Variants in SLC44A4 observed in about 807,000 individuals in gnomAD.
The protein encoded by SLC44A4 is solute carrier family 44 member 4.
SLC44A4 carries 74 observed loss-of-function variants against 97.0 expected under a neutral mutation model. That is an observed-to-expected ratio of 0.76 (90% CI 0.63 to 0.93). The LOEUF is 0.93. Ranked by LOEUF, SLC44A4 falls within the 40% of genes least tolerant of loss-of-function variation. The probability of loss-of-function intolerance (pLI) is 0.00; values close to 1 mark genes in which losing one functional copy is unlikely to be tolerated. For missense variants in SLC44A4, 799 were observed against 902.9 expected, an observed-to-expected ratio of 0.88 and a Z score of 1.48; for synonymous variants, 325 against 363.8, an observed-to-expected ratio of 0.89 and a Z score of 1.21.
Position 31,874,616 on chromosome 6 carries a change from T to G in SLC44A4, c.469-96A>C. 6.4e-7 allele frequency: 1 copy of G among 1,561,336 alleles called. No individual in the cohort carries two copies. Among genetic ancestry groups the G allele is most frequent in the Non-Finnish European group, 8.7e-7 (1 of 1,153,542 alleles). ...CCATGGGGCTCAGCCTGTCCCACAC[T>G]CCCCAGGAGAGCCAACCTGGTGATG... On this transcript the variant is annotated intron_variant, in intron 6 of 20. Coordinates refer to ENST00000229729, the MANE Select transcript of SLC44A4 (RefSeq NM_025257.3). The surrounding 1 kb of genome is among the most constrained non-coding windows in gnomAD (Gnocchi z 4.8).
At position 31,865,444 on chromosome 6, in the gene SLC44A4, G is replaced by T. The variant is rs17207713; in HGVS notation, c.1686+54C>A. The T allele has an allele frequency of 3.1e-6, 5 of 1,611,662 alleles. No homozygotes were observed. Among genetic ancestry groups the T allele is most frequent in the Non-Finnish European group, 4.2e-6 (5 of 1,177,784 alleles). ...AGGCGAGCTGCCTGGACCAGGATGGGGGTGTCTAGACCAAAGGGCACCAGA... is the reference window on the plus strand; with the variant it reads ...AGGCGAGCTGCCTGGACCAGGATGGTGGTGTCTAGACCAAAGGGCACCAGA... On this transcript the variant is annotated intron_variant, in intron 16 of 20. Coordinates refer to ENST00000229729, the MANE Select transcript of SLC44A4 (RefSeq NM_025257.3). This position sits in a 1 kb window ranked among gnomAD's most constrained non-coding sequence, Gnocchi z 5.2.
intron 12 of SLC44A4, 51 bp from the exon 13 acceptor site, chr6:31,869,308 T>C (rs1342982130): frequency 7.0e-7 from 1 of 1,422,460 alleles, no homozygotes; most frequent in African/African-American, 1.4e-5. Flanking sequence ...CACAGGTCAC[T>C]CGCTCCTTAG....
Position 31,877,655 on chromosome 6 carries a change from T to G in SLC44A4, c.41-573A>C. 2.0e-6 allele frequency: 2 copies of G among 985,822 alleles called. No homozygotes were observed. The highest frequency in any genetic ancestry group is 2.4e-6 in the Non-Finnish European group (2 of 830,180). The allele number at this position is 985,822 out of a possible 1,614,324, so 61.1% of individuals were successfully genotyped here. ...GGGAAGCGGCCCTGTACATCCTCAC[T>G]CTGGTGGGACCTCAGTCCCCTGGCC... On this transcript the variant is annotated intron_variant, in intron 1 of 20. Transcript: ENST00000229729. The surrounding 1 kb of genome is among the most constrained non-coding windows in gnomAD (Gnocchi z 6.5).
At chr6:31,864,540 T>G in intron 20 of SLC44A4, 112 bp downstream of exon 20, 2 of 1,011,918 alleles carry the variant, frequency 2.0e-6, no homozygotes. Context: ...CTGGTTCGTT[T>G]AGCTCACAAA....
chr6:31,868,039 A>G (rs1762955889), intron 13 of SLC44A4, among the ~76,000 whole-genome samples: 1 of 152,086 alleles, frequency 6.6e-6, no homozygotes. Context: ...GCTGGTCTCA[A>G]ACTCCTGACC....
Position 31,865,567 on chromosome 6 carries a change from G to A in SLC44A4, c.1617C>T (p.Cys539=). Residue 539 remains cysteine (C), a synonymous_variant, in exon 16 of 21, where the codon TGC becomes TGT. Coordinates refer to ENST00000229729, the MANE Select transcript of SLC44A4 (RefSeq NM_025257.3). This position sits in a 1 kb window ranked among gnomAD's most constrained non-coding sequence, Gnocchi z 5.2. ...GACACCAGAGGCAGCACTTGAAACA[G>A]CACATGATGCAGCGGGCTACAGGGT... is the stretch of plus-strand genomic sequence containing the variant. ...VQNPVARCIM[C]CFKCCLWCLE... The A allele has an allele frequency of 6.3e-7, 1 of 1,599,226 alleles. No individual in the cohort carries two copies. Among genetic ancestry groups the A allele is most frequent in the Non-Finnish European group, 8.5e-7 (1 of 1,169,900 alleles).
In SLC44A4 at chr6:31,870,998, G is replaced by T. The variant is rs749880296; in HGVS notation, c.751C>A (p.Arg251Ser). The T allele has an allele frequency of 1.2e-6, 2 of 1,612,454 alleles. No homozygotes were observed. Among genetic ancestry groups the T allele is most frequent in the East Asian group, 2.2e-5 (1 of 44,878 alleles). The change falls in exon 10 of 21, where the codon CGC (arginine) becomes AGC (serine). Residue 251 changes from arginine (R) to serine (S), a missense_variant. Coordinates refer to ENST00000229729, the MANE Select transcript of SLC44A4 (RefSeq NM_025257.3). ...AGCACCAGGGGCCCAGCCACCAGGC[G>T]CAGAAGCAAGATAAACAGTAGGCTC... ...VLSLLFILLLRLVAGPLVLVL... is the reference protein window; with the variant it reads ...VLSLLFILLLSLVAGPLVLVL...
At chr6:31,873,996 A>AT (rs1341069583) in intron 7 of SLC44A4, among the ~76,000 whole-genome samples, 2 of 152,152 alleles carry the variant, frequency 1.3e-5, no homozygotes, top group African/African-American at 4.8e-5. Flanking sequence ...ATGTGCTGTA[A>AT]TTCCAGCTAC....
rs1235717395 is a variant in SLC44A4 at position 31,870,915 on chromosome 6, C to A, written c.834G>T (p.Glu278Asp). ...CCTTGTCCCGCAGCACTCGGTACTCCTCCCAGCAGTAGTAGATGCCGTATG... is the reference window on the plus strand; with the variant it reads ...CCTTGTCCCGCAGCACTCGGTACTCATCCCAGCAGTAGTAGATGCCGTATG... ...VLAYGIYYCW[E>D]EYRVLRDKGA... is the part of the protein sequence containing the mutation. The change falls in exon 10 of 21, where the codon GAG becomes GAT. Residue 278 changes from glutamate to aspartate, a missense_variant. By Grantham distance (45) the Glu-to-Asp change is conservative (BLOSUM62 2). Coordinates refer to ENST00000229729, the MANE Select transcript of SLC44A4 (RefSeq NM_025257.3). The A allele has an allele frequency of 6.2e-7, 1 of 1,612,936 alleles. No homozygotes were observed. The highest frequency in any genetic ancestry group is 8.5e-7 in the Non-Finnish European group (1 of 1,180,014).
rs6913689 is a variant in SLC44A4, at chr6:31,870,850, C to G, written c.899G>C (p.Ser300Thr). The G allele has an allele frequency of 1.4e-3, 2,244 of 1,613,048 alleles. 23 individuals carry two copies. In the African/African-American group the frequency reaches 0.023, roughly 17 times the overall value. ...ISQLGFTTNL[S>T]AYQSVQETWL... ...GGTCTCCTGCACGCTCTGGTAGGCA[C>G]TGAGGTTGGTGGTGAAACCCAGCTG... The change falls in exon 10 of 21, where the codon AGT becomes ACT. Residue 300 changes from serine (S) to threonine (T), a missense_variant. By Grantham distance (58) the Ser-to-Thr change is moderately conservative. This residue lies in a region of SLC44A4 where 409 missense variants were observed against 434.1 expected (regional missense o/e 0.94). Coordinates refer to ENST00000229729, the MANE Select transcript of SLC44A4 (RefSeq NM_025257.3).
At position 31,878,960 on chromosome 6, in the gene SLC44A4, G is replaced by C. The variant is rs764533964; in HGVS notation, c.21C>G (p.Asp7Glu). ...TCTCACCGTAGGCCTCGTCATCCTCGTCCCGCTGCTTTCCCCCCATGGCTC... is the reference window on the plus strand; with the variant it reads ...TCTCACCGTAGGCCTCGTCATCCTCCTCCCGCTGCTTTCCCCCCATGGCTC... MGGKQR[D>E]EDDEAYGKPV... Residue 7 changes from aspartate to glutamate, a missense_variant, in exon 1 of 21, where the codon GAC becomes GAG. Around this residue, in one of 3 missense-constraint regions of SLC44A4, gnomAD observed 409 missense variants for 434.1 expected, o/e 0.94. Transcript: ENST00000229729. The surrounding 1 kb of genome is among the most constrained non-coding windows in gnomAD (Gnocchi z 4.0). 2 of 1,613,754 alleles carry C rather than the reference G, an allele frequency of 1.2e-6. No individual in the cohort carries two copies. The highest frequency in any genetic ancestry group is 8.5e-7 in the Non-Finnish European group (1 of 1,179,926).
intron 4 of SLC44A4, 114 bp downstream of exon 4, chr6:31,875,738 C>T: frequency 2.2e-6 from 2 of 928,996 alleles, no homozygotes; most frequent in Non-Finnish European, 3.3e-6. Context: ...GTGGGGACAG[C>T]AGGGAAAGGC....
rs550919132 is a variant in SLC44A4 at position 31,863,531 on chromosome 6, C to CTT, written c.*94_*95dup. 6.7e-7 allele frequency: 1 copy of CTT among 1,494,500 alleles called. No individual in the cohort carries two copies. The highest frequency in any genetic ancestry group is 1.4e-5 in the African/African-American group (1 of 69,788). The allele number at this position is 1,494,500 out of a possible 1,614,324, so 92.6% of individuals were successfully genotyped here. On this transcript the variant is annotated 3_prime_UTR_variant, in exon 21 of 21. Coordinates refer to ENST00000229729, the MANE Select transcript of SLC44A4 (RefSeq NM_025257.3). The stretch of plus-strand genomic sequence containing the variant: ...TGAGCCACGGCGCCTGGCCTAAAAC[C>CTT]TTTTTTTACCACAAAATGGAGACCT...
intron 13 of SLC44A4, among the ~76,000 whole-genome samples, chr6:31,868,175 C>T (rs758724496): frequency 1.3e-5 from 2 of 152,198 alleles, no homozygotes; most frequent in Non-Finnish European, 2.9e-5. Flanking sequence ...ATGTTCCCAG[C>T]TCAGACGAGG....
chr6:31,875,053 C>T, intron 4 of SLC44A4, 25 bp from the exon 5 acceptor site: 1 of 1,574,474 alleles, frequency 6.4e-7, no homozygotes, highest in Non-Finnish European at 8.7e-7. Flanking sequence ...GGACCATGTG[C>T]ATCAGGGCCT....
chr6:31,869,220 A>G lies in SLC44A4; in HGVS notation c.1168T>C (p.Trp390Arg). ...ATSGQPQYVL[W>R]ASNISSPGCE... is the part of the protein sequence containing the mutation. ...CCGGGGGAGCTGATGTTGGATGCCC[A>G]GAGCACATACTGGGGTTGCCCCGAT... is the stretch of plus-strand genomic sequence containing the variant. Residue 390 changes from tryptophan to arginine, a missense_variant, in exon 13 of 21, where the codon TGG becomes CGG. Coordinates refer to ENST00000229729, the MANE Select transcript of SLC44A4 (RefSeq NM_025257.3). 1 of 1,610,748 alleles carries G rather than the reference A, an allele frequency of 6.2e-7. No homozygotes were observed. Among genetic ancestry groups the G allele is most frequent in the Non-Finnish European group, 8.5e-7 (1 of 1,179,018 alleles).
chr6:31,875,092 A>G (rs1763377031), intron 4 of SLC44A4, 64 bp from the exon 5 acceptor site: 2 of 1,328,512 alleles, frequency 1.5e-6, no homozygotes, highest in Non-Finnish European at 2.1e-6. Context: ...GGGAGGGACC[A>G]CTAGGGTGGC....
At position 31,876,642 on chromosome 6, in the gene SLC44A4, G is replaced by A. The variant is rs139498574; in HGVS notation, c.89+392C>T. 0.015 allele frequency among the ~76,000 whole-genome samples: 2,250 copies of A among 152,220 alleles called. 41 individuals are homozygous for A. Among genetic ancestry groups the A allele is most frequent in the Admixed American group, 0.034 (520 of 15,292 alleles). On this transcript the variant is annotated intron_variant, in intron 2 of 20. Coordinates refer to ENST00000229729, the MANE Select transcript of SLC44A4 (RefSeq NM_025257.3). This position sits in a 1 kb window ranked among gnomAD's most constrained non-coding sequence, Gnocchi z 4.8. ...TAGTCCCAGCTACTCGGAAGGCTAG[G>A]GCAGGAGGATCACTTGAGCACAGGA...
Position 31,870,696 on chromosome 6 carries a change from A to G in SLC44A4, c.944T>C (p.Val315Ala), listed in dbSNP as rs538492470. Residue 315 changes from valine (V) to alanine (A), a missense_variant, in exon 11 of 21, where the codon GTG (valine) becomes GCG (alanine). By Grantham distance (64) the Val-to-Ala change is moderately conservative. Coordinates refer to ENST00000229729, the MANE Select transcript of SLC44A4 (RefSeq NM_025257.3). Reference protein sequence around the residue: ...VQETWLAALIVLAVLEAILLL... With the variant: ...VQETWLAALIALAVLEAILLL... Reference sequence around the variant, plus strand: ...CAGGATGGCTTCAAGCACCGCCAACACGATCACTGCAGAGGACGGGGCAGA... The same window carrying G: ...CAGGATGGCTTCAAGCACCGCCAACGCGATCACTGCAGAGGACGGGGCAGA... 4 of 1,611,656 alleles carry G rather than the reference A, an allele frequency of 2.5e-6. No homozygotes were observed. Among genetic ancestry groups the G allele is most frequent in the Admixed American group, 1.7e-5 (1 of 59,870 alleles).
Sources: gnomAD v4.1 joint callset for allele counts (sites outside exome capture counted in the v4.1 genomes callset) on GRCh38, gnomAD v4.1.1 for gene constraint, gnomAD v4.1.1 regional missense constraint, Gnocchi (gnomAD v3.1) non-coding constraint, MANE v1.5 for transcripts, NCBI Gene and HGNC (gene_info 2026-07-23, HGNC 2026-07-21) for gene names.